The following FMN2 variants were observed in gnomAD, a reference collection of about 807,000 sequenced individuals.
FMN2 encodes the protein formin-2.
FMN2 carries 51 observed loss-of-function variants against 142.3 expected under a neutral mutation model. The ratio of observed to expected loss-of-function variants is 0.36; its 90% confidence interval spans 0.29 to 0.45. The LOEUF is 0.45. Ranked by LOEUF, FMN2 falls within the 20% of genes least tolerant of loss-of-function variation. The probability of loss-of-function intolerance (pLI) is 1.00; values close to 1 mark genes in which losing one functional copy is unlikely to be tolerated. For missense variants in FMN2, 1,936 were observed against 2,122.8 expected, an observed-to-expected ratio of 0.91 and a Z score of 1.73; for synonymous variants, 882 against 869.8, an observed-to-expected ratio of 1.01 and a Z score of -0.25.
Position 240,093,578 on chromosome 1 carries a change from G to C in FMN2, c.1469G>C (p.Gly490Ala). ...SRSADWTEELGARTPRVGGSA... is the reference protein window; with the variant it reads ...SRSADWTEELAARTPRVGGSA... ...TCGGCTGACTGGACGGAGGAGCTAG[G>C]CGCCCGCACGCCCCGGGTGGGAGGC... The change falls in exon 1 of 18, where the codon GGC becomes GCC. Residue 490 changes from glycine (G) to alanine (A), a missense_variant. Physicochemically the swap from Gly to Ala is moderately conservative, Grantham distance 60 (BLOSUM62 0). This residue lies in a region of FMN2 where 751 missense variants were observed against 791.8 expected (regional missense o/e 0.95). Transcript: ENST00000319653. 1 of 1,454,308 alleles carries C rather than the reference G, an allele frequency of 6.9e-7. No individual in the cohort carries two copies. The highest frequency in any genetic ancestry group is 9.0e-7 in the Non-Finnish European group (1 of 1,113,616). The allele number at this position is 1,454,308 out of a possible 1,614,324, so 90.1% of individuals were successfully genotyped here.
intron 8 of FMN2, among the ~76,000 whole-genome samples, chr1:240,311,339 C>G (rs557915170): frequency 1.3e-5 from 2 of 152,052 alleles, no homozygotes; most frequent in African/African-American, 2.4e-5. Context: ...CCATAACTTC[C>G]TAGAGGAATT....
chr1:240,366,778 C>A (rs1177889254), intron 14 of FMN2, among the ~76,000 whole-genome samples: 1 of 152,036 alleles, frequency 6.6e-6, no homozygotes, highest in Non-Finnish European at 1.5e-5. Context: ...CTCAAACTCC[C>A]CACCTCAGGT....
At chr1:240,195,654 T>C (rs952563551) in intron 4 of FMN2, among the ~76,000 whole-genome samples, 1 of 152,230 alleles carries the variant, frequency 6.6e-6, no homozygotes, top group African/African-American at 2.4e-5. Flanking sequence ...TATTCACTAA[T>C]TTGATGTTCA....
At chr1:240,189,776 C>T (rs916611139) in intron 4 of FMN2, among the ~76,000 whole-genome samples, 1 of 151,994 alleles carries the variant, frequency 6.6e-6, no homozygotes, top group Non-Finnish European at 1.5e-5. Flanking sequence ...ATGATTAGCC[C>T]ACAGCGAATA....
chr1:240,449,110 C>T (rs116659602), intron 16 of FMN2, among the ~76,000 whole-genome samples: 1 of 150,306 alleles, frequency 6.7e-6, no homozygotes, highest in African/African-American at 2.5e-5. Flanking sequence ...CCGCTGCACT[C>T]TAGCCTAGGT....
rs182038256 is a variant in FMN2 at position 240,301,357 on chromosome 1, G to A, written c.4215+6474G>A. ...CATTTAACTTATTTTGTTGTGACGT[G>A]AGTAGCATCTGTATGTGATTGTATT... On this transcript the variant is annotated intron_variant, in intron 8 of 17. Transcript: ENST00000319653. Among the ~76,000 whole-genome samples the A allele has an allele frequency of 9.4e-4, 143 of 151,718 alleles. 1 individual carries two copies. Among genetic ancestry groups the A allele is most frequent in the African/African-American group, 3.2e-3 (131 of 41,488 alleles).
At chr1:240,284,238 G>A (rs139032424) in intron 7 of FMN2, among the ~76,000 whole-genome samples, 1 of 152,216 alleles carries the variant, frequency 6.6e-6, no homozygotes, top group African/African-American at 2.4e-5. Flanking sequence ...ATATTGTCAT[G>A]TGGGTAATTG....
intron 15 of FMN2, among the ~76,000 whole-genome samples, chr1:240,396,007 C>T (rs1673759094): frequency 6.6e-6 from 1 of 152,044 alleles, no homozygotes; most frequent in Admixed American, 6.6e-5. Context: ...TATTAGCCAC[C>T]CCAGCCTTCA....
chr1:240,330,575 T>C, intron 10 of FMN2, 28 bp from the exon 11 acceptor site: 1 of 1,601,740 alleles, frequency 6.2e-7, no homozygotes, highest in Non-Finnish European at 8.5e-7. Context: ...AGATAAAAGT[T>C]GTTTTTTGTT....
chr1:240,293,843 G>A (rs555237567), intron 7 of FMN2, among the ~76,000 whole-genome samples: 203 of 152,202 alleles, frequency 1.3e-3, no homozygotes, highest in African/African-American at 4.6e-3. Flanking sequence ...TATCCATCCT[G>A]TGCTTCGATT....
Position 240,208,684 on chromosome 1 carries a change from G to C in FMN2, c.3872G>C (p.Arg1291Pro), listed in dbSNP as rs751943952. ...AGGAAGCAGCCCATAGAGCCTTGTC[G>C]ACCAATGAAGCCTCTTTACTGGACC... is the stretch of plus-strand genomic sequence containing the variant. The part of the protein sequence containing the change: ...GSRKQPIEPC[R>P]PMKPLYWTRI... The change falls in exon 5 of 18, where the codon CGA becomes CCA. Residue 1291 changes from arginine to proline, a missense_variant. This residue lies in a region of FMN2 where 259 missense variants were observed against 230.9 expected (regional missense o/e 1.12). Coordinates refer to ENST00000319653, the MANE Select transcript of FMN2 (RefSeq NM_020066.5). 6 of 1,613,600 alleles carry C rather than the reference G, an allele frequency of 3.7e-6. No homozygotes were observed. Among genetic ancestry groups the C allele is most frequent in the Non-Finnish European group, 5.1e-6 (6 of 1,179,934 alleles).
At chr1:240,436,549 C>T (rs1376250905) in intron 15 of FMN2, among the ~76,000 whole-genome samples, 1 of 151,954 alleles carries the variant, frequency 6.6e-6, no homozygotes, top group African/African-American at 2.4e-5. Flanking sequence ...TGGTGGCAGG[C>T]ACCTGTAATC....
chr1:240,095,386 T>TACACACACACACACACACACACACACAC (rs59692947), intron 1 of FMN2, among the ~76,000 whole-genome samples: 1 of 149,866 alleles, frequency 6.7e-6, no homozygotes, highest in South Asian at 2.1e-4. Context: ...TATATGTGCA[T>TACACACACACACACACACACACACACAC]ACACACACAC....
At chr1:240,290,938 C>T (rs1029549286) in intron 7 of FMN2, among the ~76,000 whole-genome samples, 8 of 151,826 alleles carry the variant, frequency 5.3e-5, no homozygotes, top group Admixed American at 3.3e-4. Flanking sequence ...CTTAGCCTCC[C>T]GAGTAGCTGG....
At chr1:240,254,293 T>G in intron 6 of FMN2, among the ~76,000 whole-genome samples, 1 of 148,838 alleles carries the variant, frequency 6.7e-6, no homozygotes. Flanking sequence ...CATGGGTGAG[T>G]GGATGGTGTG....
chr1:240,388,877 A>AAAAG (rs1491200861), intron 14 of FMN2, among the ~76,000 whole-genome samples: 1 of 135,768 alleles, frequency 7.4e-6, no homozygotes. Flanking sequence ...AAAAAAAAAA[A>AAAAG]GGGGGGGGGT....
intron 4 of FMN2, among the ~76,000 whole-genome samples, chr1:240,203,062 G>A (rs576364979): frequency 6.6e-6 from 1 of 152,136 alleles, no homozygotes; most frequent in Admixed American, 6.5e-5. Flanking sequence ...AAACGAAAAT[G>A]ATCTGTGCAT....
At chr1:240,436,478 CTT>C (rs1016674902) in intron 15 of FMN2, among the ~76,000 whole-genome samples, 1 of 152,036 alleles carries the variant, frequency 6.6e-6, no homozygotes, top group African/African-American at 2.4e-5. Flanking sequence ...TGCTCTGACT[CTT>C]TTATCTCCTG....
Position 240,208,548 on chromosome 1 carries a change from C to T in FMN2, c.3736C>T (p.Leu1246Phe), listed in dbSNP as rs1666543057. 1.2e-6 allele frequency: 2 copies of T among 1,613,552 alleles called. No homozygotes were observed. Among genetic ancestry groups the T allele is most frequent in the Non-Finnish European group, 1.7e-6 (2 of 1,179,946 alleles). ...PLLPVSGPPL[L>F]PQVGSSTLPT... ...GCTTCCTGTATCAGGCCCTCCACTC[C>T]TCCCACAAGTTGGGAGTAGCACTTT... The change falls in exon 5 of 18, where the codon CTC becomes TTC. Residue 1246 changes from leucine (L) to phenylalanine (F), a missense_variant. Around this residue, in one of 8 missense-constraint regions of FMN2, gnomAD observed 259 missense variants for 230.9 expected, o/e 1.12. Coordinates refer to ENST00000319653, the MANE Select transcript of FMN2 (RefSeq NM_020066.5).
Sources: gnomAD v4.1 joint callset for allele counts (sites outside exome capture counted in the v4.1 genomes callset) on GRCh38, gnomAD v4.1.1 for gene constraint, gnomAD v4.1.1 regional missense constraint, MANE v1.5 for transcripts, NCBI Gene and HGNC (gene_info 2026-07-23, HGNC 2026-07-21) for gene names.